The following PAICS variants were observed in gnomAD, a reference collection of about 807,000 sequenced individuals.
PAICS encodes bifunctional phosphoribosylaminoimidazole carboxylase/phosphoribosylaminoimidazole succinocarboxamide synthetase.
Under a neutral mutation model 53.7 loss-of-function variants are expected in PAICS, and 33 were observed. That is an observed-to-expected ratio of 0.61 (90% CI 0.47 to 0.82). The LOEUF (loss-of-function observed/expected upper bound fraction) is 0.82, where lower values mean the gene tolerates loss of function less well. PAICS is among the 40% of genes least tolerant of loss of function. The pLI is 0.00. For missense variants in PAICS, 394 were observed against 494.1 expected, an observed-to-expected ratio of 0.80 and a Z score of 1.92; for synonymous variants, 141 against 167.2, an observed-to-expected ratio of 0.84 and a Z score of 1.21.
chr4:56,443,037 C>G (rs560773713), intron 2 of PAICS, among the ~76,000 whole-genome samples: 3 of 152,084 alleles, frequency 2.0e-5, no homozygotes, highest in African/African-American at 4.8e-5. Context: ...TTCCAGAGTT[C>G]CTAAGTCACA....
At chr4:56,434,442 CAG>C (rs1717785897), upstream of PAICS, among the ~76,000 whole-genome samples, 1 of 152,274 alleles carries the variant, frequency 6.6e-6, no homozygotes, top group African/African-American at 2.4e-5. Context: ...ATATCAAACC[CAG>C]GTTTGTTTTT....
chr4:56,446,351 T>C, intron 2 of PAICS: 1 of 717,782 alleles, frequency 1.4e-6, no homozygotes, highest in East Asian at 2.7e-5. Flanking sequence ...AATTTGCCTA[T>C]TCTAGTTACC....
chr4:56,437,324 G>A (rs1299279241), intron 1 of PAICS, among the ~76,000 whole-genome samples: 1 of 146,898 alleles, frequency 6.8e-6, no homozygotes, highest in Non-Finnish European at 1.5e-5. Flanking sequence ...TTGATGCCAC[G>A]ATGGCTTTGA....
intron 3 of PAICS, among the ~76,000 whole-genome samples, chr4:56,448,118 C>T (rs552393555): frequency 2.0e-5 from 3 of 151,320 alleles, no homozygotes; most frequent in Admixed American, 6.6e-5. Context: ...AATGATTCTC[C>T]TGCCTCAGCC....
chr4:56,450,763 T>G (rs751667989), intron 6 of PAICS, 61 bp downstream of exon 6: 1 of 849,058 alleles, frequency 1.2e-6, no homozygotes, highest in Non-Finnish European at 1.9e-6. Context: ...AAATCTTGTT[T>G]CAAAAGAAAA....
At chr4:56,436,034 C>T, upstream of PAICS, 5 of 1,520,560 alleles carry the variant, frequency 3.3e-6, no homozygotes, top group Non-Finnish European at 3.5e-6. Flanking sequence ...TTTCGCCTGT[C>T]CGGGCACTGC....
chr4:56,410,899 TAAAAAAAAAAAAAAAA>T, the PAICS span: 10 of 678,498 alleles, frequency 1.5e-5, no homozygotes, highest in African/African-American at 3.6e-5. Flanking sequence ...CCACTGAAGG[TAAAAAAAAAAAAAAAA>T]AAAAAAAAAA....
chr4:56,429,134 G>T, the PAICS span: 12 of 159,660 alleles, frequency 7.5e-5, no homozygotes, highest in South Asian at 2.2e-3. Context: ...AACTGTATTA[G>T]AGCAGAGAAT....
the PAICS span, among the ~76,000 whole-genome samples, chr4:56,417,835 G>GTTTTTTTTTTTTTTT: frequency 1.3e-4 from 13 of 102,512 alleles, 1 homozygote; most frequent in African/African-American, 4.5e-4. Context: ...TGAAGATTTG[G>GTTTTTTTTTTTTTTT]TTTTTTGTTT....
At chr4:56,421,004 G>A in the PAICS span, 1 of 152,198 alleles carries the variant, frequency 6.6e-6, no homozygotes, top group African/African-American at 2.4e-5. Context: ...GGCCTGTTAC[G>A]AACTGGGTTG....
chr4:56,446,796 G>A lies in PAICS; in HGVS notation c.316G>A (p.Gly106Ser). Residue 106 changes from glycine (G) to serine (S), a missense_variant, in exon 3 of 9, where the codon GGT becomes AGT. Transcript: ENST00000512576. ...IEWVCRRIATGSFLKRNPGVK... is the reference protein window; with the variant it reads ...IEWVCRRIATSSFLKRNPGVK... Reference sequence around the variant, plus strand: ...ATGGGTTTGCAGAAGAATAGCAACTGGTTCTTTTCTCAAAAGAAATCCTGG... The same window carrying A: ...ATGGGTTTGCAGAAGAATAGCAACTAGTTCTTTTCTCAAAAGAAATCCTGG... The A allele has an allele frequency of 6.2e-7, 1 of 1,608,866 alleles. No individual in the cohort carries two copies. The highest frequency in any genetic ancestry group is 8.5e-7 in the Non-Finnish European group (1 of 1,177,020).
upstream of PAICS, chr4:56,435,599 G>C: frequency 1.3e-6 from 2 of 1,543,874 alleles, no homozygotes; most frequent in Non-Finnish European, 1.8e-6. Flanking sequence ...TCCTTCCCGA[G>C]GGTGGCCCCA....
chr4:56,448,926 G>T (rs1718758609), intron 5 of PAICS, 103 bp downstream of exon 5: 1 of 656,948 alleles, frequency 1.5e-6, no homozygotes, highest in African/African-American at 1.8e-5. Context: ...CTAATGATAT[G>T]AACCTGTTTT....
rs550230594 is a variant in PAICS at position 56,454,798 on chromosome 4, AT to A, written c.1111+1048del. 7.7e-3 allele frequency among the ~76,000 whole-genome samples: 1,136 copies of A among 148,048 alleles called. 8 individuals are homozygous for A. Among genetic ancestry groups the A allele is most frequent in the Middle Eastern group, 0.034 (10 of 290 alleles). On this transcript the variant is annotated intron_variant, in intron 8 of 8. Transcript: ENST00000512576. ...TTTTTCCCAAGAATTCATGGTATTG[AT>A]TTTTTTTTTTAAAGTAAATGTGATC...
intron 7 of PAICS, 143 bp downstream of exon 7, chr4:56,452,195 T>C (rs1718954094): frequency 1.7e-6 from 1 of 591,720 alleles, no homozygotes; most frequent in Non-Finnish European, 2.9e-6. Flanking sequence ...TTCTTTTTTT[T>C]TGAGATGGAG....
At chr4:56,448,333 C>T in intron 3 of PAICS, 85 bp from the exon 4 acceptor site, 3 of 969,466 alleles carry the variant, frequency 3.1e-6, no homozygotes, top group East Asian at 2.6e-5. Context: ...GGAGTTCATG[C>T]TCAAGGTGAA....
At chr4:56,426,679 C>CA in the PAICS span, among the ~76,000 whole-genome samples, 1 of 152,154 alleles carries the variant, frequency 6.6e-6, no homozygotes, top group Non-Finnish European at 1.5e-5. Flanking sequence ...TATCAACTGA[C>CA]AGACATTTGG....
At chr4:56,448,906 A>G (rs1307150371) in intron 5 of PAICS, 83 bp downstream of exon 5, 1 of 725,598 alleles carries the variant, frequency 1.4e-6, no homozygotes, top group African/African-American at 1.8e-5. Context: ...GAAAAAGCAA[A>G]TTATTGTTCC....
intron 1 of PAICS, among the ~76,000 whole-genome samples, chr4:56,437,250 C>CATG (rs1202787502): frequency 1.0e-5 from 1 of 96,028 alleles, no homozygotes. Context: ...TCTTTGATGC[C>CATG]ATGATGGTGT....
Sources: gnomAD v4.1 joint callset for allele counts (sites outside exome capture counted in the v4.1 genomes callset) on GRCh38, gnomAD v4.1.1 for gene constraint, MANE v1.5 for transcripts, NCBI Gene and HGNC (gene_info 2026-07-23, HGNC 2026-07-21) for gene names.